Variants in CWF19L2 observed in about 807,000 individuals in gnomAD.
CWF19L2 encodes the protein CWF19 like cell cycle control factor 2, also known as CWF19-like protein 2.
CWF19L2 carries 98 observed loss-of-function variants against 111.7 expected under a neutral mutation model. The observed-to-expected ratio is 0.88, with a 90% CI of 0.75 to 1.04. The LOEUF (loss-of-function observed/expected upper bound fraction) is 1.04. Among genes scored for constraint, CWF19L2 ranks in the 50% least tolerant of loss-of-function variants. The pLI is 0.00. For missense variants in CWF19L2, 1,101 were observed against 1,051.4 expected, an observed-to-expected ratio of 1.05 and a Z score of -0.65; for synonymous variants, 351 against 342.9, an observed-to-expected ratio of 1.02 and a Z score of -0.26.
intron 7 of CWF19L2, 114 bp downstream of exon 7, chr11:107,433,520 T>C: frequency 5.3e-6 from 2 of 374,904 alleles, no homozygotes; most frequent in South Asian, 9.8e-5. Flanking sequence ...ACTTCAGTAG[T>C]ATAAAGACAT....
chr11:107,358,090 T>A (rs1214120119), intron 12 of CWF19L2, among the ~76,000 whole-genome samples: 2 of 152,146 alleles, frequency 1.3e-5, no homozygotes, highest in African/African-American at 4.8e-5. Context: ...AGACAGATAA[T>A]AACAAGTGTT....
Position 107,387,645 on chromosome 11 carries a change from T to C in CWF19L2, c.1872+2429A>G, listed in dbSNP as rs548402995. The stretch of plus-strand genomic sequence containing the variant: ...AGGGCAGTGGTGGGGGTGGGGGTGC[T>C]TTCAGGATGAAACTATTACACCTCA... On this transcript the variant is annotated intron_variant, in intron 12 of 17. Transcript: ENST00000282251. 3.2e-4 allele frequency among the ~76,000 whole-genome samples: 49 copies of C among 152,128 alleles called. No individual in the cohort carries two copies. In the East Asian group the frequency reaches 6.2e-3, roughly 19 times the overall value.
intron 12 of CWF19L2, among the ~76,000 whole-genome samples, chr11:107,383,400 G>T (rs898050118): frequency 2.0e-5 from 3 of 152,186 alleles, no homozygotes; most frequent in Admixed American, 2.0e-4. Context: ...TTTGGTCACA[G>T]AAGTCTTCTG....
chr11:107,381,243 A>G (rs985130417), intron 12 of CWF19L2, among the ~76,000 whole-genome samples: 2 of 152,188 alleles, frequency 1.3e-5, no homozygotes, highest in African/African-American at 4.8e-5. Context: ...ATTTTATGTT[A>G]TGTATATTTT....
At chr11:107,349,112 T>C in intron 13 of CWF19L2, 59 bp from the exon 14 acceptor site, 1 of 815,658 alleles carries the variant, frequency 1.2e-6, no homozygotes, top group East Asian at 2.8e-5. Context: ...TATATATTTA[T>C]ATGTTAATGC....
chr11:107,398,900 TTTA>T (rs1342493104), intron 10 of CWF19L2, among the ~76,000 whole-genome samples: 23 of 152,288 alleles, frequency 1.5e-4, no homozygotes, highest in African/African-American at 5.3e-4. Flanking sequence ...AAACAAAACA[TTTA>T]TCAGCCAAGA....
chr11:107,421,610 G>A (rs1245102650), intron 8 of CWF19L2, among the ~76,000 whole-genome samples: 1 of 152,060 alleles, frequency 6.6e-6, no homozygotes, highest in Non-Finnish European at 1.5e-5. Flanking sequence ...TTCGGCATCA[G>A]TAGTCATTAG....
chr11:107,344,049 C>G (rs1051966433), intron 14 of CWF19L2, among the ~76,000 whole-genome samples: 8 of 152,066 alleles, frequency 5.3e-5, no homozygotes, highest in Non-Finnish European at 7.4e-5. Context: ...ACCCAGTCTA[C>G]TAAAAATACA....
chr11:107,402,413 G>A (rs1361561527), intron 10 of CWF19L2, among the ~76,000 whole-genome samples: 1 of 150,654 alleles, frequency 6.6e-6, no homozygotes, highest in Admixed American at 6.6e-5. Flanking sequence ...TCAAAAAGTG[G>A]GCTAAGGATA....
intron 15 of CWF19L2, among the ~76,000 whole-genome samples, chr11:107,335,424 A>G (rs966452609): frequency 1.4e-5 from 2 of 147,442 alleles, no homozygotes; most frequent in East Asian, 1.9e-4. Flanking sequence ...AAAATACAGG[A>G]AAAAAAATGT....
At position 107,402,780 on chromosome 11, in the gene CWF19L2, C is replaced by T. The variant is rs182840335; in HGVS notation, c.1618-9885G>A. Among the ~76,000 whole-genome samples, 364 of 150,524 alleles carry T rather than the reference C, an allele frequency of 2.4e-3. 2 individuals are homozygous for T. Among genetic ancestry groups the T allele is most frequent in the South Asian group, 0.012 (57 of 4,770 alleles). Reference sequence around the variant, plus strand: ...ATTATTTGAAAAAGATACTTGTACACGCATGTTTATTGCAGCACAATTCAC... The same window carrying T: ...ATTATTTGAAAAAGATACTTGTACATGCATGTTTATTGCAGCACAATTCAC... On this transcript the variant is annotated intron_variant, in intron 10 of 17. Transcript: ENST00000282251.
chr11:107,407,699 T>C (rs570226875), intron 10 of CWF19L2, among the ~76,000 whole-genome samples: 115 of 152,134 alleles, frequency 7.6e-4, no homozygotes, highest in African/African-American at 2.7e-3. Flanking sequence ...TACAGAGCCC[T>C]GTTCAAAGTT....
intron 16 of CWF19L2, 50 bp downstream of exon 16, chr11:107,334,831 A>G (rs201184928): frequency 3.5e-5 from 40 of 1,136,620 alleles, no homozygotes; most frequent in Non-Finnish European, 5.1e-5. Flanking sequence ...AAATTAATAA[A>G]GATCCTGAGC....
intron 12 of CWF19L2, among the ~76,000 whole-genome samples, chr11:107,355,219 C>G (rs1046321769): frequency 6.6e-6 from 1 of 152,022 alleles, no homozygotes; most frequent in Non-Finnish European, 1.5e-5. Flanking sequence ...AGTTTGAGAC[C>G]AGCCTGACCA....
At chr11:107,365,580 A>T (rs2134564703) in intron 12 of CWF19L2, among the ~76,000 whole-genome samples, 1 of 100,776 alleles carries the variant, frequency 9.9e-6, no homozygotes, top group African/African-American at 5.1e-5. Flanking sequence ...AAACCACATG[A>T]TTCTCTCAAT....
chr11:107,447,732 A>G (rs766874136), intron 3 of CWF19L2, among the ~76,000 whole-genome samples: 84 of 152,256 alleles, frequency 5.5e-4, no homozygotes, highest in Non-Finnish European at 8.1e-4. Context: ...CAGTCACAAT[A>G]TAAGTTTCAT....
Position 107,429,162 on chromosome 11 carries a change from T to C in CWF19L2, c.1070A>G (p.Gln357Arg). The C allele has an allele frequency of 6.2e-7, 1 of 1,613,852 alleles. No individual in the cohort carries two copies. Among genetic ancestry groups the C allele is most frequent in the Non-Finnish European group, 8.5e-7 (1 of 1,179,788 alleles). The change falls in exon 8 of 18, where the codon CAA becomes CGA. Residue 357 changes from glutamine to arginine, a missense_variant. Gln to Arg is a conservative substitution (Grantham distance 43). Coordinates refer to ENST00000282251, the MANE Select transcript of CWF19L2 (RefSeq NM_152434.3). The part of the protein sequence containing the change: ...CRRESNPRQN[Q>R]EFSFGNLRAK... ...TCTCAAATTGCCAAAAGAAAACTCTTGATTTTGCCTTGGGTTAGATTCTCT... is the reference window on the plus strand; with the variant it reads ...TCTCAAATTGCCAAAAGAAAACTCTCGATTTTGCCTTGGGTTAGATTCTCT...
At chr11:107,328,016 C>T (rs1389025638) in intron 17 of CWF19L2, among the ~76,000 whole-genome samples, 2 of 151,408 alleles carry the variant, frequency 1.3e-5, no homozygotes, top group Non-Finnish European at 2.9e-5. Context: ...GGTGAAGACA[C>T]ACAGTTGTCT....
chr11:107,447,810 G>C (rs1360903183), intron 3 of CWF19L2, among the ~76,000 whole-genome samples: 1 of 151,956 alleles, frequency 6.6e-6, no homozygotes, highest in Admixed American at 6.6e-5. Context: ...CCATATTCAA[G>C]AGAAAAATCA....
Sources: gnomAD v4.1 joint callset for allele counts (sites outside exome capture counted in the v4.1 genomes callset) on GRCh38, gnomAD v4.1.1 for gene constraint, MANE v1.5 for transcripts, NCBI Gene and HGNC (gene_info 2026-07-23, HGNC 2026-07-21) for gene names.